The following UST variants were observed in gnomAD, a reference collection of about 807,000 sequenced individuals.
UST encodes chondroitin sulfate 2-O-sulfotransferase.
In UST, 21 loss-of-function variants were observed where a neutral mutation model predicts 45.6. That is an observed-to-expected ratio of 0.46 (90% confidence interval 0.33 to 0.66). UST has a LOEUF of 0.66. Ranked by LOEUF, UST falls within the 30% of genes least tolerant of loss-of-function variation. The probability of loss-of-function intolerance (pLI) is 0.02; values close to 1 mark genes in which losing one functional copy is unlikely to be tolerated. For missense variants in UST, 463 were observed against 512.4 expected (o/e 0.90, Z 0.93); for synonymous variants, 215 against 200.6 (o/e 1.07, Z -0.61).
chr6:148,779,310 C>A (rs1454145310), intron 1 of UST, among the ~76,000 whole-genome samples: 2 of 152,176 alleles, frequency 1.3e-5, no homozygotes, highest in Non-Finnish European at 1.5e-5. Flanking sequence ...CATTAAATTT[C>A]ATCACAGCTC....
chr6:149,002,786 C>T lies in UST; in HGVS notation c.682-16353C>T, dbSNP rs976253466. On this transcript the variant is annotated intron_variant, in intron 5 of 7. Transcript: ENST00000367463. ...CATCCCAAAGTGCTGGGATTACAGG[C>T]GTGAGCCACTGCGCCTGGCCGTATG... 2.6e-5 allele frequency among the ~76,000 whole-genome samples: 4 copies of T among 152,136 alleles called. No individual in the cohort carries two copies. In the East Asian group the frequency reaches 7.7e-4, roughly 29 times the overall value.
chr6:148,875,889 T>C (rs926563840), intron 1 of UST, among the ~76,000 whole-genome samples: 59 of 152,232 alleles, frequency 3.9e-4, no homozygotes, highest in African/African-American at 1.3e-3. Context: ...TTATTGAGCA[T>C]TTACTGTATC....
chr6:148,877,702 AG>A (rs1778711017), intron 1 of UST, among the ~76,000 whole-genome samples: 1 of 11,762 alleles, frequency 8.5e-5, no homozygotes, highest in Non-Finnish European at 1.5e-4. Context: ...TATGAGTGTG[AG>A]GGGTCGTGTA....
At chr6:148,891,909 GC>G (rs2114850136) in intron 2 of UST, among the ~76,000 whole-genome samples, 1 of 152,198 alleles carries the variant, frequency 6.6e-6, no homozygotes, top group African/African-American at 2.4e-5. Context: ...GCTACCTTCA[GC>G]ACCTGAACGT....
chr6:148,835,230 A>G lies in UST; in HGVS notation c.248-51756A>G, dbSNP rs141138192. 4.2e-3 allele frequency among the ~76,000 whole-genome samples: 642 copies of G among 152,312 alleles called. 7 individuals carry two copies. The highest frequency in any genetic ancestry group is 0.014 in the African/African-American group (586 of 41,560). ...TAGCATTTACATTGTATTTAGTACT[A>G]TAAGTAATCTAGAGATTATTTAAGG... On this transcript the variant is annotated intron_variant, in intron 1 of 7. Transcript: ENST00000367463.
chr6:149,019,066 C>A, intron 5 of UST, 73 bp from the exon 6 acceptor site: 1 of 1,126,350 alleles, frequency 8.9e-7, no homozygotes, highest in Non-Finnish European at 1.4e-6. Flanking sequence ...ATGAATTTTA[C>A]TTAAACTGTG....
chr6:148,901,856 G>T (rs1779265374), intron 2 of UST, among the ~76,000 whole-genome samples: 1 of 152,280 alleles, frequency 6.6e-6, no homozygotes, highest in East Asian at 1.9e-4. Flanking sequence ...ACTGCGCCTG[G>T]CTGACTTGTG....
intron 5 of UST, among the ~76,000 whole-genome samples, chr6:148,973,879 T>C (rs1176483059): frequency 6.6e-6 from 1 of 152,218 alleles, no homozygotes; most frequent in Admixed American, 6.5e-5. Context: ...CGAGTACTTA[T>C]GAAAATGTCA....
chr6:148,929,839 C>T (rs1192068073), intron 2 of UST, among the ~76,000 whole-genome samples: 2 of 152,116 alleles, frequency 1.3e-5, no homozygotes, highest in Non-Finnish European at 2.9e-5. Context: ...AGGGGAAACA[C>T]TAGGCCAGAG....
chr6:148,806,453 C>T (rs1351560472), intron 1 of UST, among the ~76,000 whole-genome samples: 1 of 151,942 alleles, frequency 6.6e-6, no homozygotes, highest in Non-Finnish European at 1.5e-5. Flanking sequence ...ATTCTCCTGC[C>T]TCAGCCTCTC....
chr6:148,844,876 C>G (rs1777958370), intron 1 of UST, among the ~76,000 whole-genome samples: 1 of 152,096 alleles, frequency 6.6e-6, no homozygotes, highest in African/African-American at 2.4e-5. Flanking sequence ...CAGGTGAGAA[C>G]ATGTGGCATT....
At chr6:148,829,009 A>G (rs1777628670) in intron 1 of UST, among the ~76,000 whole-genome samples, 1 of 152,230 alleles carries the variant, frequency 6.6e-6, no homozygotes, top group South Asian at 2.1e-4. Context: ...CTCAAAATAT[A>G]CATAACCTAC....
intron 3 of UST, among the ~76,000 whole-genome samples, chr6:148,953,412 G>A (rs941928947): frequency 2.0e-5 from 3 of 152,134 alleles, no homozygotes; most frequent in Non-Finnish European, 2.9e-5. Flanking sequence ...TGTTTTATTC[G>A]CTAAGGAGCC....
chr6:148,792,462 C>T (rs1244994206), intron 1 of UST, among the ~76,000 whole-genome samples: 3 of 152,104 alleles, frequency 2.0e-5, no homozygotes, highest in Admixed American at 6.5e-5. Context: ...CCAGACACTT[C>T]GGACTGGAGA....
intron 1 of UST, among the ~76,000 whole-genome samples, chr6:148,859,432 A>G (rs1778265973): frequency 6.6e-6 from 1 of 152,142 alleles, no homozygotes; most frequent in Non-Finnish European, 1.5e-5. Context: ...ATTTTCTCCC[A>G]TTCTGTAGGT....
chr6:148,965,876 C>CTTTTT (rs56202168), intron 5 of UST, among the ~76,000 whole-genome samples: 1 of 126,236 alleles, frequency 7.9e-6, no homozygotes. Context: ...TGGCTTTTCC[C>CTTTTT]TTTTTTTTTT....
intron 1 of UST, among the ~76,000 whole-genome samples, chr6:148,809,538 G>A (rs1777215513): frequency 6.6e-6 from 1 of 152,166 alleles, no homozygotes; most frequent in Non-Finnish European, 1.5e-5. Flanking sequence ...GGCAGGAGTG[G>A]TGGCATTCTC....
At chr6:148,885,820 G>C (rs1562289370) in intron 1 of UST, among the ~76,000 whole-genome samples, 1 of 152,182 alleles carries the variant, frequency 6.6e-6, no homozygotes, top group Non-Finnish European at 1.5e-5. Context: ...TTTGCTCTCT[G>C]CTGTCAAAAG....
intron 1 of UST, among the ~76,000 whole-genome samples, chr6:148,865,514 A>T (rs1442378742): frequency 6.6e-6 from 1 of 152,146 alleles, no homozygotes; most frequent in African/African-American, 2.4e-5. Flanking sequence ...TACGTTTAAT[A>T]TAAAGAATGT....
Sources: gnomAD v4.1 joint callset for allele counts (sites outside exome capture counted in the v4.1 genomes callset) on GRCh38, gnomAD v4.1.1 for gene constraint, MANE v1.5 for transcripts, NCBI Gene and HGNC (gene_info 2026-07-23, HGNC 2026-07-21) for gene names.